Variants in TENM4 observed in about 807,000 individuals in gnomAD.
TENM4 encodes the protein teneurin transmembrane protein 4, also known as teneurin-4.
In TENM4, 82 loss-of-function variants were observed where a neutral mutation model predicts 243.3. The ratio of observed to expected loss-of-function variants is 0.34; its 90% CI spans 0.28 to 0.40. The LOEUF is 0.40. TENM4 is among the 10% of genes least tolerant of loss of function. TENM4 has a pLI of 1.00. For synonymous variants in TENM4, 1,412 were observed against 1,456.3 expected, an observed-to-expected ratio of 0.97 and a Z score of 0.69; for missense variants, 3,138 against 3,673.3, an observed-to-expected ratio of 0.85 and a Z score of 3.77.
At chr11:78,920,402 T>C (rs1050900459) in intron 6 of TENM4, among the ~76,000 whole-genome samples, 4 of 152,196 alleles carry the variant, frequency 2.6e-5, no homozygotes, top group Non-Finnish European at 4.4e-5. Flanking sequence ...TATTAAGTAA[T>C]ATTAACGTCC....
At chr11:79,155,720 C>T (rs1260617887) in intron 3 of TENM4, among the ~76,000 whole-genome samples, 1 of 146,726 alleles carries the variant, frequency 6.8e-6, no homozygotes, top group African/African-American at 2.5e-5. Context: ...TTCCTCCCTC[C>T]CTCCCTCCGT....
rs1384684586 is a variant in TENM4, at chr11:79,151,209, A to T, written c.-162-2403T>A. ...ACTGTGTGCTGAGAAAATTCTGTTT[A>T]TTGTTTAAAGCTCAGCTCTTCCCAC... On this transcript the variant is annotated intron_variant, in intron 3 of 33. Transcript: ENST00000278550. Among the ~76,000 whole-genome samples the T allele has an allele frequency of 3.3e-5, 5 of 152,278 alleles. No homozygotes were observed. In the East Asian group the frequency reaches 9.7e-4, roughly 29 times the overall value.
rs375591851 is a variant in TENM4, at chr11:79,083,163, G to A, written c.-65-13154C>T. Among the ~76,000 whole-genome samples the A allele has an allele frequency of 2.7e-3, 408 of 152,300 alleles. 1 individual carries two copies. In the Middle Eastern group the frequency reaches 0.038, roughly 14 times the overall value. On this transcript the variant is annotated intron_variant, in intron 4 of 33. Coordinates refer to ENST00000278550, the MANE Select transcript of TENM4 (RefSeq NM_001098816.3). ...GGGATTCTCCAGGGCAGTCTGAATGGAGAAGAGGCTGCTGGGGTGGAGGTG... is the reference window on the plus strand; with the variant it reads ...GGGATTCTCCAGGGCAGTCTGAATGAAGAAGAGGCTGCTGGGGTGGAGGTG...
chr11:78,666,076 G>A (rs1858152074), intron 32 of TENM4, among the ~76,000 whole-genome samples: 1 of 152,170 alleles, frequency 6.6e-6, no homozygotes, highest in Non-Finnish European at 1.5e-5. Context: ...GTTGTTGCTG[G>A]ATGGGAATGA....
intron 1 of TENM4, among the ~76,000 whole-genome samples, chr11:79,310,433 G>A (rs1025137044): frequency 3.3e-5 from 5 of 152,170 alleles, no homozygotes; most frequent in African/African-American, 1.2e-4. Context: ...GTTGTTTTGG[G>A]GGTCCAATAG....
chr11:78,890,889 C>T (rs1448822350), intron 8 of TENM4, among the ~76,000 whole-genome samples: 9 of 152,196 alleles, frequency 5.9e-5, no homozygotes, highest in Non-Finnish European at 2.9e-5. Flanking sequence ...GCAAACCCAC[C>T]CCTATTGGGG....
chr11:78,805,321 G>A lies in TENM4; in HGVS notation c.2150C>T (p.Pro717Leu), dbSNP rs756479952. 17 of 1,028,102 alleles carry A rather than the reference G, an allele frequency of 1.7e-5. No individual in the cohort carries two copies. In the South Asian group the frequency reaches 3.8e-4, roughly 23 times the overall value. The allele number at this position is 1,028,102 out of a possible 1,614,324, so 63.7% of individuals were successfully genotyped here. ...AGAACAGTCGTGTCCAGTCCAGCTT[G>A]GGTCACAGCTGCAAAGCCCGGTGTC... ...LPDTGLCSCD[P>L]SWTGHDCSIE... The change falls in exon 15 of 34, where the codon CCA becomes CTA. Residue 717 changes from proline (P) to leucine (L), a missense_variant. Physicochemically the swap from Pro to Leu is moderately conservative, Grantham distance 98 (BLOSUM62 -3). Coordinates refer to ENST00000278550, the MANE Select transcript of TENM4 (RefSeq NM_001098816.3).
intron 4 of TENM4, among the ~76,000 whole-genome samples, chr11:79,084,362 C>A (rs1040034656): frequency 8.5e-5 from 13 of 152,164 alleles, no homozygotes; most frequent in African/African-American, 3.1e-4. Context: ...CGCTTGTATT[C>A]TTGGGCATTT....
intron 1 of TENM4, among the ~76,000 whole-genome samples, chr11:79,421,773 A>C (rs918753710): frequency 6.6e-6 from 1 of 152,146 alleles, no homozygotes; most frequent in Non-Finnish European, 1.5e-5. Flanking sequence ...GATCTACAGT[A>C]GGATTCCTTT....
chr11:78,677,873 C>T (rs1858521694), intron 29 of TENM4, among the ~76,000 whole-genome samples: 1 of 137,092 alleles, frequency 7.3e-6, no homozygotes, highest in African/African-American at 2.7e-5. Context: ...GCTGCACCCA[C>T]TAATGTGTCA....
At position 78,812,216 on chromosome 11, in the gene TENM4, G is replaced by C. The variant is rs1158277597; in HGVS notation, c.1884C>G (p.Asn628Lys). 1 of 1,551,832 alleles carries C rather than the reference G, an allele frequency of 6.4e-7. No individual in the cohort carries two copies. The highest frequency in any genetic ancestry group is 1.4e-5 in the African/African-American group (1 of 73,066). The change falls in exon 14 of 34, where the codon AAC becomes AAG. Residue 628 changes from asparagine to lysine, a missense_variant. Coordinates refer to ENST00000278550, the MANE Select transcript of TENM4 (RefSeq NM_001098816.3). ...TGCTGCAGGCCACATCGATACACTGGTTGGTGGGCACATCGCACTCAGCGC... is the reference window on the plus strand; with the variant it reads ...TGCTGCAGGCCACATCGATACACTGCTTGGTGGGCACATCGCACTCAGCGC... The part of the protein sequence containing the change: ...WKGAECDVPT[N>K]QCIDVACSNH...
chr11:79,426,588 G>A (rs1859059438), intron 1 of TENM4, among the ~76,000 whole-genome samples: 1 of 152,254 alleles, frequency 6.6e-6, no homozygotes, highest in African/African-American at 2.4e-5. Flanking sequence ...AGCATGAAGA[G>A]TGGTCCGCTG....
chr11:79,078,926 C>G (rs1860596409), intron 4 of TENM4, among the ~76,000 whole-genome samples: 1 of 152,232 alleles, frequency 6.6e-6, no homozygotes, highest in Admixed American at 6.5e-5. Flanking sequence ...TAATCATAAC[C>G]TACACTGCTT....
intron 4 of TENM4, chr11:79,097,561 C>T (rs1053270545): frequency 2.6e-5 from 4 of 152,164 alleles, no homozygotes; most frequent in African/African-American, 9.7e-5. Context: ...ACACAAAAGC[C>T]AGGTTGTATT....
intron 4 of TENM4, among the ~76,000 whole-genome samples, chr11:79,138,656 T>G (rs1460895567): frequency 1.9e-5 from 2 of 105,194 alleles, no homozygotes; most frequent in African/African-American, 8.2e-5. Context: ...ACATAAAACA[T>G]ATATTATATT....
intron 1 of TENM4, among the ~76,000 whole-genome samples, chr11:79,435,891 T>G (rs1290985247): frequency 1.3e-5 from 2 of 152,226 alleles, no homozygotes; most frequent in Admixed American, 1.3e-4. Flanking sequence ...TCAATCTGCA[T>G]GAGGATGCAA....
intron 28 of TENM4, among the ~76,000 whole-genome samples, chr11:78,692,007 C>T (rs911472296): frequency 2.0e-5 from 3 of 152,124 alleles, no homozygotes; most frequent in African/African-American, 7.2e-5. Flanking sequence ...TGTGAGCCAC[C>T]TCTACAGAAC....
At chr11:79,235,773 A>T (rs544639731) in intron 2 of TENM4, among the ~76,000 whole-genome samples, 1 of 151,016 alleles carries the variant, frequency 6.6e-6, no homozygotes, top group South Asian at 2.1e-4. Context: ...TATGGAAACG[A>T]CTCTTTTCCT....
chr11:79,135,762 T>C (rs1433122868), intron 4 of TENM4, among the ~76,000 whole-genome samples: 1 of 140,292 alleles, frequency 7.1e-6, no homozygotes, highest in African/African-American at 2.6e-5. Context: ...TATATGTATA[T>C]ATCATATATA....
Sources: gnomAD v4.1 joint callset for allele counts (sites outside exome capture counted in the v4.1 genomes callset) on GRCh38, gnomAD v4.1.1 for gene constraint, MANE v1.5 for transcripts, NCBI Gene and HGNC (gene_info 2026-07-23, HGNC 2026-07-21) for gene names.